Variants in HS3ST1 observed in about 807,000 individuals in gnomAD.
HS3ST1 encodes the protein heparan sulfate-glucosamine 3-sulfotransferase 1.
Under a neutral mutation model 20.7 loss-of-function variants are expected in HS3ST1, and 8 were observed. That is an observed-to-expected ratio of 0.39 (90% CI 0.23 to 0.70). HS3ST1 has a LOEUF of 0.70. HS3ST1 is among the 30% of genes least tolerant of loss of function. HS3ST1 has a pLI of 0.46. For synonymous variants in HS3ST1, 205 were observed against 190.4 expected, an observed-to-expected ratio of 1.08 and a Z score of -0.63; for missense variants, 436 against 423.4, an observed-to-expected ratio of 1.03 and a Z score of -0.26.
intron 1 of HS3ST1, among the ~76,000 whole-genome samples, chr4:11,421,531 TTTC>T: frequency 6.6e-6 from 1 of 152,320 alleles, no homozygotes; most frequent in South Asian, 2.1e-4. Flanking sequence ...CGAAATCACC[TTTC>T]TCTCACTGTA....
At chr4:11,432,447 C>G (rs559823019), upstream of HS3ST1, among the ~76,000 whole-genome samples, 171 of 152,334 alleles carry the variant, frequency 1.1e-3, 1 homozygote, top group Middle Eastern at 0.017. Flanking sequence ...ACTAATGGCT[C>G]TTACTGCTGA....
intron 1 of HS3ST1, among the ~76,000 whole-genome samples, chr4:11,412,055 T>G (rs892559896): frequency 2.6e-5 from 4 of 152,170 alleles, no homozygotes; most frequent in Admixed American, 6.5e-5. Flanking sequence ...CCCACCAAAT[T>G]TCAGTTTTTG....
chr4:11,406,130 G>A (rs1718457692), intron 1 of HS3ST1, among the ~76,000 whole-genome samples: 1 of 152,170 alleles, frequency 6.6e-6, no homozygotes, highest in Non-Finnish European at 1.5e-5. Flanking sequence ...AGGGTTAGAA[G>A]GAAAGAGATT....
At position 11,399,933 on chromosome 4, in the gene HS3ST1, G is replaced by A. The variant is rs1448028587; in HGVS notation, c.73C>T (p.Leu25=). Residue 25 remains leucine, a synonymous_variant, in exon 2 of 2, where the codon CTA becomes TTA. Transcript: ENST00000002596. The surrounding 1 kb of genome is among the most constrained non-coding windows in gnomAD (Gnocchi z 5.1). Reference sequence around the variant, plus strand: ...TTCCGCAGAAGCTCCTGCTGGCCTAGCTCGGCGGGGCGGGAAGGCACTAGC... The same window carrying A: ...TTCCGCAGAAGCTCCTGCTGGCCTAACTCGGCGGGGCGGGAAGGCACTAGC... ...PQLVPSRPAE[L]GQQELLRKAG... is the part of the protein sequence containing the mutation. The A allele has an allele frequency of 1.3e-6, 2 of 1,584,166 alleles. No homozygotes were observed. Among genetic ancestry groups the A allele is most frequent in the South Asian group, 1.1e-5 (1 of 88,344 alleles).
intron 1 of HS3ST1, among the ~76,000 whole-genome samples, chr4:11,409,340 T>G (rs1718556051): frequency 6.6e-6 from 1 of 152,174 alleles, no homozygotes; most frequent in African/African-American, 2.4e-5. Context: ...AATGTTTTTG[T>G]CCTCCCCAAA....
intron 1 of HS3ST1, among the ~76,000 whole-genome samples, chr4:11,413,899 A>G (rs1006288813): frequency 6.6e-6 from 1 of 152,220 alleles, no homozygotes; most frequent in African/African-American, 2.4e-5. Flanking sequence ...TTGAAAAAAA[A>G]ACCATGTGAA....
rs1718081705 is a variant in HS3ST1 at position 11,394,331 on chromosome 4, G to C, written c.*4751C>G. On this transcript the variant is annotated 3_prime_UTR_variant, in exon 2 of 2. Coordinates refer to ENST00000002596, the MANE Select transcript of HS3ST1 (RefSeq NM_005114.4). ...CTAACTGAGAAATTTGGGCAAAATA[G>C]AGTAAAGGTCTTGACATCAGGGATA... 6.6e-6 allele frequency: 1 copy of C among 152,190 alleles called. No individual in the cohort carries two copies. The highest frequency in any genetic ancestry group is 1.5e-5 in the Non-Finnish European group (1 of 68,032). The allele number at this position is 152,190 out of a possible 1,614,324, so 9.4% of individuals were successfully genotyped here.
chr4:11,408,568 G>T (rs1471040031), intron 1 of HS3ST1, among the ~76,000 whole-genome samples: 1 of 152,234 alleles, frequency 6.6e-6, no homozygotes, highest in African/African-American at 2.4e-5. Context: ...GGTGTGTGCA[G>T]TGGTGAGGCA....
At position 11,399,762 on chromosome 4, in the gene HS3ST1, C is replaced by T; in HGVS notation, c.244G>A (p.Ala82Thr). 6.2e-7 allele frequency: 1 copy of T among 1,613,738 alleles called. No homozygotes were observed. The change falls in exon 2 of 2, where the codon GCC becomes ACC. Residue 82 changes from alanine (A) to threonine (T), a missense_variant. Physicochemically the swap from Ala to Thr is moderately conservative, Grantham distance 58. Coordinates refer to ENST00000002596, the MANE Select transcript of HS3ST1 (RefSeq NM_005114.4). This position sits in a 1 kb window ranked among gnomAD's most constrained non-coding sequence, Gnocchi z 5.1. ...EMLSLHPDVA[A>T]AENEVHFFDW... ...AAGAAGTGGACCTCGTTCTCCGCGG[C>T]CGCCACGTCGGGGTGCAGGCTGAGC...
intron 1 of HS3ST1, among the ~76,000 whole-genome samples, chr4:11,406,859 T>TG (rs1025289404): frequency 6.6e-6 from 1 of 151,958 alleles, no homozygotes; most frequent in African/African-American, 2.4e-5. Flanking sequence ...AAACTGTCTT[T>TG]TTTTTTTTTA....
intron 1 of HS3ST1, among the ~76,000 whole-genome samples, chr4:11,418,205 G>A (rs1022663208): frequency 2.6e-5 from 4 of 152,144 alleles, no homozygotes; most frequent in African/African-American, 9.7e-5. Flanking sequence ...GGGGAGGATC[G>A]GCCAGAAGGC....
At chr4:11,417,104 A>G (rs1192007214) in intron 1 of HS3ST1, among the ~76,000 whole-genome samples, 1 of 152,186 alleles carries the variant, frequency 6.6e-6, no homozygotes, top group Admixed American at 6.5e-5. Flanking sequence ...TGTGAGAGCC[A>G]TCCTGCAGAA....
At chr4:11,418,564 C>T (rs16881605) in intron 1 of HS3ST1, among the ~76,000 whole-genome samples, 2,127 of 152,272 alleles carry the variant, frequency 0.014, 51 homozygotes, top group African/African-American at 0.049. Flanking sequence ...TTTCAAACTG[C>T]GTGGCGAATG....
intron 1 of HS3ST1, among the ~76,000 whole-genome samples, chr4:11,427,232 A>G (rs1332355587): frequency 6.6e-6 from 1 of 152,238 alleles, no homozygotes; most frequent in Non-Finnish European, 1.5e-5. Flanking sequence ...TGCCTGTGCC[A>G]GGCTGCTGCC....
chr4:11,418,459 A>G (rs1014043969), intron 1 of HS3ST1, among the ~76,000 whole-genome samples: 96 of 152,344 alleles, frequency 6.3e-4, no homozygotes, highest in African/African-American at 2.2e-3. Flanking sequence ...CAAAGGTTCG[A>G]TGAGGCAAAG....
chr4:11,393,558 A>T lies in HS3ST1; in HGVS notation c.*5524T>A, dbSNP rs1239926413. 1 of 152,224 alleles carries T rather than the reference A, an allele frequency of 6.6e-6. No individual in the cohort carries two copies. Among genetic ancestry groups the T allele is most frequent in the Non-Finnish European group, 1.5e-5 (1 of 68,036 alleles). 9.4% of individuals were successfully genotyped at this position (152,224 alleles called of 1,614,324 possible). On this transcript the variant is annotated 3_prime_UTR_variant, in exon 2 of 2. Transcript: ENST00000002596. ...GAGGGGGGATTCCTGTTTTCTTGGG[A>T]AACACATTTACTGAGAATAGGGTAG...
At chr4:11,422,099 A>G (rs1264607624) in intron 1 of HS3ST1, among the ~76,000 whole-genome samples, 2 of 152,340 alleles carry the variant, frequency 1.3e-5, no homozygotes, top group African/African-American at 4.8e-5. Flanking sequence ...GCTTGTATTA[A>G]TATGCCAGTT....
rs1229205684 is a variant in HS3ST1, at chr4:11,399,078, C to A, written c.*4G>T. On this transcript the variant is annotated 3_prime_UTR_variant, in exon 2 of 2. Coordinates refer to ENST00000002596, the MANE Select transcript of HS3ST1 (RefSeq NM_005114.4). The surrounding 1 kb of genome is among the most constrained non-coding windows in gnomAD (Gnocchi z 5.1). Reference sequence around the variant, plus strand: ...GAAAGTTTCTGAGCTTAGCTTATTGCAAATCAGTGCCAGTCAAATGTTCTG... The same window carrying A: ...GAAAGTTTCTGAGCTTAGCTTATTGAAAATCAGTGCCAGTCAAATGTTCTG... 3 of 1,604,782 alleles carry A rather than the reference C, an allele frequency of 1.9e-6. No homozygotes were observed. The Admixed American group carries it at 5.0e-5, about 27-fold the overall frequency.
At chr4:11,422,597 G>A (rs1233670394) in intron 1 of HS3ST1, among the ~76,000 whole-genome samples, 4 of 152,126 alleles carry the variant, frequency 2.6e-5, no homozygotes, top group Admixed American at 2.6e-4. Context: ...ATTCATCAAT[G>A]ACAAGAACTA....
Sources: gnomAD v4.1 joint callset for allele counts (sites outside exome capture counted in the v4.1 genomes callset) on GRCh38, gnomAD v4.1.1 for gene constraint, Gnocchi (gnomAD v3.1) non-coding constraint, MANE v1.5 for transcripts, NCBI Gene and HGNC (gene_info 2026-07-23, HGNC 2026-07-21) for gene names.